The following MRPS27 variants were observed in gnomAD, a reference collection of about 807,000 sequenced individuals.
MRPS27 encodes small ribosomal subunit protein mS27.
In MRPS27, 43 loss-of-function variants were observed where a neutral mutation model predicts 48.9. The ratio of observed to expected loss-of-function variants is 0.88; its 90% confidence interval spans 0.69 to 1.13. The LOEUF (loss-of-function observed/expected upper bound fraction) is 1.13, where lower values mean the gene tolerates loss of function less well. Among genes scored for constraint, MRPS27 ranks in the 50% most tolerant of loss-of-function variants. The probability of loss-of-function intolerance (pLI) is 0.00; values close to 1 mark genes in which losing one functional copy is unlikely to be tolerated. For synonymous variants in MRPS27, 188 were observed against 171.9 expected (o/e 1.09, Z -0.73); for missense variants, 467 against 476.3 (o/e 0.98, Z 0.18).
chr5:72,279,937 C>G (rs1489895884), intron 4 of MRPS27, among the ~76,000 whole-genome samples: 2 of 152,086 alleles, frequency 1.3e-5, no homozygotes, highest in African/African-American at 4.8e-5. Context: ...GAAGAATTTT[C>G]CCATATAATT....
At chr5:72,306,518 G>A (rs1238970212) in intron 2 of MRPS27, among the ~76,000 whole-genome samples, 2 of 152,160 alleles carry the variant, frequency 1.3e-5, no homozygotes, top group Non-Finnish European at 2.9e-5. Flanking sequence ...AATCTAGAAT[G>A]TGGGAAACTC....
chr5:72,256,473 T>C (rs1561341799), intron 4 of MRPS27, among the ~76,000 whole-genome samples: 1 of 152,240 alleles, frequency 6.6e-6, no homozygotes, highest in Non-Finnish European at 1.5e-5. Context: ...AAATTATCCA[T>C]TCAACCCTTT....
chr5:72,223,013 T>C (rs964041936), intron 10 of MRPS27, among the ~76,000 whole-genome samples: 2 of 152,236 alleles, frequency 1.3e-5, no homozygotes, highest in Non-Finnish European at 2.9e-5. Flanking sequence ...ACAGCATTTT[T>C]TCCCCCTTTG....
At chr5:72,259,818 C>T (rs1409047240) in intron 4 of MRPS27, among the ~76,000 whole-genome samples, 2 of 152,090 alleles carry the variant, frequency 1.3e-5, no homozygotes, top group Non-Finnish European at 1.5e-5. Context: ...ATTTAAGTTA[C>T]TACCACTGTT....
intron 5 of MRPS27, among the ~76,000 whole-genome samples, chr5:72,236,937 T>G (rs1422083803): frequency 6.9e-6 from 1 of 144,338 alleles, no homozygotes; most frequent in South Asian, 2.3e-4. Context: ...TTTTTTTTTT[T>G]GAGACCAGGT....
At chr5:72,296,003 A>G (rs1749969735) in intron 3 of MRPS27, among the ~76,000 whole-genome samples, 1 of 152,172 alleles carries the variant, frequency 6.6e-6, no homozygotes, top group South Asian at 2.1e-4. Flanking sequence ...CTAAAAAACT[A>G]TTGCCCAGAA....
chr5:72,250,951 T>C (rs1748649422), intron 4 of MRPS27, among the ~76,000 whole-genome samples: 1 of 152,186 alleles, frequency 6.6e-6, no homozygotes, highest in African/African-American at 2.4e-5. Flanking sequence ...TTCTAACCGG[T>C]AAAAGTTATA....
intron 4 of MRPS27, among the ~76,000 whole-genome samples, chr5:72,279,500 T>C (rs2112030889): frequency 6.6e-6 from 1 of 152,288 alleles, no homozygotes; most frequent in South Asian, 2.1e-4. Flanking sequence ...CTCACGCCTA[T>C]AATCCTAGCC....
At chr5:72,316,293 C>T (rs753285941) in intron 1 of MRPS27, among the ~76,000 whole-genome samples, 1 of 152,154 alleles carries the variant, frequency 6.6e-6, no homozygotes, top group Non-Finnish European at 1.5e-5. Context: ...ATGAAAATGT[C>T]CTAAAATAGC....
intron 4 of MRPS27, among the ~76,000 whole-genome samples, chr5:72,283,390 GA>G (rs1341976776): frequency 4.0e-5 from 6 of 151,824 alleles, no homozygotes; most frequent in African/African-American, 9.7e-5. Context: ...AACTGCTTAG[GA>G]AAAAAAACTG....
intron 7 of MRPS27, chr5:72,228,571 A>G (rs1051362590): frequency 1.5e-5 from 6 of 407,760 alleles, no homozygotes; most frequent in Middle Eastern, 5.7e-4. Flanking sequence ...AATACCCTAT[A>G]TGTTAATGGA....
intron 4 of MRPS27, among the ~76,000 whole-genome samples, chr5:72,280,914 C>T (rs939777632): frequency 2.6e-5 from 4 of 152,182 alleles, no homozygotes; most frequent in Non-Finnish European, 5.9e-5. Flanking sequence ...CTTAGCAATA[C>T]GGGTACACGT....
At chr5:72,265,223 A>G (rs577024021) in intron 4 of MRPS27, among the ~76,000 whole-genome samples, 5 of 152,356 alleles carry the variant, frequency 3.3e-5, no homozygotes, top group Non-Finnish European at 2.9e-5. Flanking sequence ...TCTAGGCCAC[A>G]TATGACCAAT....
intron 2 of MRPS27, among the ~76,000 whole-genome samples, chr5:72,309,980 G>T (rs1243931960): frequency 6.6e-6 from 1 of 152,198 alleles, no homozygotes; most frequent in Non-Finnish European, 1.5e-5. Context: ...GCAATGCTGA[G>T]ACTGTCCCGT....
rs139493884 is a variant in MRPS27 at position 72,274,775 on chromosome 5, C to T, written c.281+20756G>A. ...AACACACAAGTAATGCAGTTTGCTACGATGTTATAATGGCATTATGAACGC... is the reference window on the plus strand; with the variant it reads ...AACACACAAGTAATGCAGTTTGCTATGATGTTATAATGGCATTATGAACGC... On this transcript the variant is annotated intron_variant, in intron 4 of 10. Coordinates refer to ENST00000261413, the MANE Select transcript of MRPS27 (RefSeq NM_015084.3). Among the ~76,000 whole-genome samples the T allele has an allele frequency of 9.2e-5, 14 of 152,206 alleles. No individual in the cohort carries two copies. The East Asian group carries it at 2.3e-3, about 25-fold the overall frequency.
intron 1 of MRPS27, 165 bp downstream of exon 1, chr5:72,319,984 G>GA (rs1356005700): frequency 4.4e-6 from 3 of 677,254 alleles, no homozygotes; most frequent in Non-Finnish European, 7.8e-6. Flanking sequence ...TTTAGGGAAG[G>GA]AAATGGATCA....
intron 4 of MRPS27, among the ~76,000 whole-genome samples, chr5:72,284,681 G>T (rs1282360215): frequency 6.6e-6 from 1 of 152,102 alleles, no homozygotes; most frequent in African/African-American, 2.4e-5. Context: ...GATATTTTAT[G>T]TACACACATA....
At chr5:72,269,736 C>T (rs901338917) in intron 4 of MRPS27, among the ~76,000 whole-genome samples, 1 of 152,034 alleles carries the variant, frequency 6.6e-6, no homozygotes, top group South Asian at 2.1e-4. Context: ...TGGATTTGTA[C>T]CTCACACAAA....
Position 72,226,101 on chromosome 5 carries a change from T to A in MRPS27, c.793A>T (p.Lys265Ter). 2.5e-6 allele frequency: 4 copies of A among 1,613,766 alleles called. No homozygotes were observed. Among genetic ancestry groups the A allele is most frequent in the Non-Finnish European group, 3.4e-6 (4 of 1,179,812 alleles). ...ATGTCTTCTGGGGAGGCAGCCACTTTCTCCATCACTTGAAGGGCTCTGTCA... is the reference window on the plus strand; with the variant it reads ...ATGTCTTCTGGGGAGGCAGCCACTTACTCCATCACTTGAAGGGCTCTGTCA... The part of the protein sequence containing the change: ...YLDRALQVME[K>*]VAASPEDIKL... Residue 265 changes from lysine to a stop codon, truncating the protein, a stop_gained, in exon 9 of 11, where the codon AAA (lysine) becomes TAA (stop). Transcript: ENST00000261413. LOFTEE classifies it high-confidence loss of function.
Sources: gnomAD v4.1 joint callset for allele counts (sites outside exome capture counted in the v4.1 genomes callset) on GRCh38, gnomAD v4.1.1 for gene constraint, MANE v1.5 for transcripts, NCBI Gene and HGNC (gene_info 2026-07-23, HGNC 2026-07-21) for gene names.